The following ITSN2 variants were observed in gnomAD, a reference collection of about 807,000 sequenced individuals.
ITSN2 encodes intersectin-2.
Under a neutral mutation model 243.7 loss-of-function variants are expected in ITSN2, and 156 were observed. The observed-to-expected ratio is 0.64, with a 90% CI of 0.56 to 0.73. The LOEUF is 0.73. Ranked by LOEUF, ITSN2 falls within the 30% of genes least tolerant of loss-of-function variation. The probability of loss-of-function intolerance (pLI) is 0.00; values close to 1 mark genes in which losing one functional copy is unlikely to be tolerated. For missense variants in ITSN2, 1,801 were observed against 1,996.1 expected (o/e 0.90, Z 1.86); for synonymous variants, 703 against 699.9 (o/e 1.00, Z -0.07).
chr2:24,296,069 T>C (rs1229834201), intron 13 of ITSN2, among the ~76,000 whole-genome samples: 1 of 152,178 alleles, frequency 6.6e-6, no homozygotes, highest in African/African-American at 2.4e-5. Flanking sequence ...AATTTTTTTC[T>C]GAATTCAGCA....
chr2:24,312,795 T>C (rs144012599), intron 4 of ITSN2, among the ~76,000 whole-genome samples: 56 of 152,274 alleles, frequency 3.7e-4, no homozygotes, highest in Middle Eastern at 3.4e-3. Flanking sequence ...ATTGTAAACG[T>C]TTTTAAAAAA....
chr2:24,333,216 G>A (rs372991936), intron 1 of ITSN2, among the ~76,000 whole-genome samples: 18 of 152,122 alleles, frequency 1.2e-4, no homozygotes, highest in African/African-American at 4.1e-4. Context: ...GAGATAATGC[G>A]TCACAGGTTC....
In ITSN2 at chr2:24,334,708, T is replaced by A. The variant is rs1205767439; in HGVS notation, c.-33-6593A>T. On this transcript the variant is annotated intron_variant, in intron 1 of 39. Transcript: ENST00000355123. ...AAAAGGCTAAAACTACAAAGAAGAT[T>A]GTGCTAAGGCTTGAGTGCGTTGAGC... is the stretch of plus-strand genomic sequence containing the variant. 1.9e-6 allele frequency: 3 copies of A among 1,585,546 alleles called. No individual in the cohort carries two copies. The East Asian group carries it at 6.7e-5, about 35-fold the overall frequency.
Position 24,210,827 on chromosome 2 carries a change from G to T in ITSN2, c.4210C>A (p.Arg1404=). 6.2e-7 allele frequency: 1 copy of T among 1,614,038 alleles called. No individual in the cohort carries two copies. The highest frequency in any genetic ancestry group is 8.5e-7 in the Non-Finnish European group (1 of 1,179,980). Residue 1404 remains arginine, a synonymous_variant, in exon 34 of 40, where the codon CGA becomes AGA. Coordinates refer to ENST00000355123, the MANE Select transcript of ITSN2 (RefSeq NM_006277.3). ...ACGTGCGCCTGGATCCACTCCAGTC[G>T]GTCCGAGTTTTCCTTCTCCCGAACT... The part of the protein sequence containing the change: ...EGVREKENSD[R]LEWIQAHVQC...
chr2:24,243,117 G>C (rs755603748), intron 29 of ITSN2, among the ~76,000 whole-genome samples: 48 of 152,230 alleles, frequency 3.2e-4, no homozygotes, highest in Non-Finnish European at 5.9e-4. Context: ...ATCTTCTGTT[G>C]TATCTTTCAC....
At chr2:24,226,570 C>T (rs186064845) in intron 29 of ITSN2, among the ~76,000 whole-genome samples, 2 of 152,152 alleles carry the variant, frequency 1.3e-5, no homozygotes, top group African/African-American at 4.8e-5. Context: ...GTGGGCAGAT[C>T]ACTTGAGGTC....
chr2:24,323,344 G>A (rs1333294605), intron 2 of ITSN2, among the ~76,000 whole-genome samples: 4 of 152,076 alleles, frequency 2.6e-5, no homozygotes, highest in South Asian at 2.1e-4. Flanking sequence ...GCACCTGAAC[G>A]GCTGAATGGA....
chr2:24,273,121 G>A (rs1677578422), intron 18 of ITSN2, among the ~76,000 whole-genome samples: 1 of 152,086 alleles, frequency 6.6e-6, no homozygotes, highest in Non-Finnish European at 1.5e-5. Flanking sequence ...AATTCCTGAA[G>A]GAATCTCGAA....
At chr2:24,319,749 G>A (rs1005961996) in intron 2 of ITSN2, among the ~76,000 whole-genome samples, 7 of 152,202 alleles carry the variant, frequency 4.6e-5, no homozygotes, top group African/African-American at 1.2e-4. Flanking sequence ...TAGGTCCCAC[G>A]GCAGTAGGGG....
intron 25 of ITSN2, among the ~76,000 whole-genome samples, chr2:24,250,877 G>C (rs968959737): frequency 2.0e-5 from 3 of 152,174 alleles, no homozygotes; most frequent in Non-Finnish European, 2.9e-5. Context: ...ACATGAGAAA[G>C]TAGCTGACTT....
intron 37 of ITSN2, among the ~76,000 whole-genome samples, chr2:24,206,609 T>C (rs1393779606): frequency 1.3e-5 from 2 of 152,070 alleles, no homozygotes; most frequent in African/African-American, 4.8e-5. Flanking sequence ...CCATTGCGGC[T>C]CCACTGAGCA....
At chr2:24,320,746 A>AAAACAATGT (rs1464944709) in intron 2 of ITSN2, among the ~76,000 whole-genome samples, 1 of 151,792 alleles carries the variant, frequency 6.6e-6, no homozygotes, top group Non-Finnish European at 1.5e-5. Flanking sequence ...CAAAAAAAAA[A>AAAACAATGT]AAAACAAAAA....
intron 1 of ITSN2, among the ~76,000 whole-genome samples, chr2:24,353,474 A>T (rs1379815357): frequency 6.6e-6 from 1 of 152,152 alleles, no homozygotes; most frequent in Non-Finnish European, 1.5e-5. Context: ...CGGGAGGCTG[A>T]GGTGGGAGGA....
intron 17 of ITSN2, among the ~76,000 whole-genome samples, chr2:24,278,015 C>A (rs1362944031): frequency 2.0e-5 from 3 of 152,148 alleles, no homozygotes; most frequent in Non-Finnish European, 4.4e-5. Flanking sequence ...TGAGTTAATA[C>A]ATATAAAGTG....
chr2:24,323,229 T>C (rs1295479596), intron 2 of ITSN2, among the ~76,000 whole-genome samples: 1 of 151,986 alleles, frequency 6.6e-6, no homozygotes, highest in South Asian at 2.1e-4. Context: ...CTTGGGTAAA[T>C]ACCCAAGAGA....
chr2:24,352,813 G>A (rs988680890), intron 1 of ITSN2, among the ~76,000 whole-genome samples: 11 of 152,248 alleles, frequency 7.2e-5, no homozygotes, highest in African/African-American at 2.4e-4. Flanking sequence ...CCACACAAAG[G>A]GGGATAAAAA....
chr2:24,257,244 T>C (rs1396515887), intron 23 of ITSN2, among the ~76,000 whole-genome samples: 1 of 151,924 alleles, frequency 6.6e-6, no homozygotes, highest in Non-Finnish European at 1.5e-5. Flanking sequence ...CGCTTAAGGC[T>C]GGGTGGTCGA....
chr2:24,262,219 A>G (rs1036522679), intron 20 of ITSN2, among the ~76,000 whole-genome samples: 2 of 152,176 alleles, frequency 1.3e-5, no homozygotes, highest in African/African-American at 4.8e-5. Context: ...CAATACTGTT[A>G]TAGCTTAATC....
At chr2:24,226,214 G>A (rs1420413740) in intron 29 of ITSN2, among the ~76,000 whole-genome samples, 1 of 152,156 alleles carries the variant, frequency 6.6e-6, no homozygotes, top group East Asian at 1.9e-4. Context: ...GCCTGTTTGT[G>A]CCCAGGTCCA....
Sources: gnomAD v4.1 joint callset for allele counts (sites outside exome capture counted in the v4.1 genomes callset) on GRCh38, gnomAD v4.1.1 for gene constraint, MANE v1.5 for transcripts, NCBI Gene and HGNC (gene_info 2026-07-23, HGNC 2026-07-21) for gene names.